Variants in SHROOM4 observed in about 807,000 individuals in gnomAD.
The protein encoded by SHROOM4 is shroom family member 4, also known as protein Shroom4.
A neutral mutation model predicts 80.3 loss-of-function variants in SHROOM4; 17 were observed. That is an observed-to-expected ratio of 0.21 (90% CI 0.14 to 0.32). SHROOM4 has a LOEUF of 0.32. Ranked by LOEUF, SHROOM4 falls within the 10% of genes least tolerant of loss-of-function variation. The pLI, the probability that SHROOM4 is intolerant of heterozygous loss-of-function variation, is 1.00. For synonymous variants in SHROOM4, 400 were observed against 437.5 expected (o/e 0.91, Z 1.07); for missense variants, 993 against 1,140.3 (o/e 0.87, Z 1.86).
chrX:50,702,217 CTT>C (rs1933536000), intron 1 of SHROOM4, among the ~76,000 whole-genome samples: 1 of 111,748 alleles, frequency 8.9e-6, no homozygotes. Context: ...ATTAAAAAGA[CTT>C]AAGTATTGGT....
chrX:50,797,723 A>G, intron 1 of SHROOM4, among the ~76,000 whole-genome samples: 1 of 112,092 alleles, frequency 8.9e-6, no homozygotes, highest in East Asian at 2.8e-4. Flanking sequence ...GGCCCTCAGG[A>G]AGACCTCATT....
chrX:50,696,548 A>G (rs1218305249), intron 1 of SHROOM4, among the ~76,000 whole-genome samples: 1 of 112,448 alleles, frequency 8.9e-6, no homozygotes, highest in Non-Finnish European at 1.9e-5. Flanking sequence ...TCTGATTATT[A>G]TAACAAGGGA....
chrX:50,639,192 C>G (rs943911193), intron 2 of SHROOM4, among the ~76,000 whole-genome samples: 6 of 112,238 alleles, frequency 5.3e-5, no homozygotes, highest in African/African-American at 1.6e-4. Context: ...AGTTGCCACC[C>G]TTGCGAGTGG....
At chrX:50,620,619 G>A (rs1368721168) in intron 5 of SHROOM4, among the ~76,000 whole-genome samples, 9 of 111,854 alleles carry the variant, frequency 8.0e-5, no homozygotes, top group Admixed American at 5.7e-4. Flanking sequence ...AATTTGTATT[G>A]TTTCCAGAAG....
intron 1 of SHROOM4, among the ~76,000 whole-genome samples, chrX:50,805,861 T>C (rs1602529697): frequency 3.6e-5 from 4 of 111,366 alleles, no homozygotes; most frequent in Non-Finnish European, 5.7e-5. Flanking sequence ...AATTTCCCTC[T>C]GATTCTGTTA....
chrX:50,770,723 C>G (rs1935378087), intron 1 of SHROOM4, among the ~76,000 whole-genome samples: 2 of 111,931 alleles, frequency 1.8e-5, no homozygotes, highest in African/African-American at 6.5e-5. Context: ...TAAGGTGGAG[C>G]CTGGCCAAGT....
At position 50,695,788 on chromosome X, in the gene SHROOM4, C is replaced by T; in HGVS notation, c.267G>A (p.Arg89=). Residue 89 remains arginine, a splice_region_variant and synonymous_variant, in exon 2 of 9, where the codon AGG becomes AGA. Coordinates refer to ENST00000376020, the MANE Select transcript of SHROOM4 (RefSeq NM_020717.5). The part of the protein sequence containing the change: ...GSFRILKLIV[R]RRNAPVSRPH... Reference sequence around the variant, plus strand: ...CGGAGAATCTCCCTGTACCTTACCTCCTGACAATCAGCTTGAGAATCCGGA... The same window carrying T: ...CGGAGAATCTCCCTGTACCTTACCTTCTGACAATCAGCTTGAGAATCCGGA... The T allele has an allele frequency of 2.5e-6, 3 of 1,211,748 alleles. No homozygotes were observed. The highest frequency in any genetic ancestry group is 3.4e-6 in the Non-Finnish European group (3 of 895,463).
chrX:50,609,225 G>A (rs982423018), intron 5 of SHROOM4, among the ~76,000 whole-genome samples: 1 of 109,899 alleles, frequency 9.1e-6, no homozygotes, highest in South Asian at 4.0e-4. Flanking sequence ...TTGCACCACT[G>A]TACTCCAGCT....
intron 1 of SHROOM4, among the ~76,000 whole-genome samples, chrX:50,749,333 A>G (rs1350604605): frequency 8.9e-6 from 1 of 112,605 alleles, no homozygotes; most frequent in Non-Finnish European, 1.9e-5. Flanking sequence ...ATCAGAATAA[A>G]TAAGTCAGTC....
intron 5 of SHROOM4, among the ~76,000 whole-genome samples, chrX:50,619,056 T>C (rs1930465651): frequency 8.9e-6 from 1 of 111,925 alleles, no homozygotes; most frequent in African/African-American, 3.2e-5. Flanking sequence ...CAAAAGTAAA[T>C]TGCCTGCCAA....
intron 1 of SHROOM4, among the ~76,000 whole-genome samples, chrX:50,745,939 T>A (rs782481986): frequency 9.0e-5 from 10 of 111,660 alleles, no homozygotes; most frequent in African/African-American, 2.6e-4. Context: ...CTTCTACCAT[T>A]TTAATGGTTG....
rs1156318699 is a variant in SHROOM4, at chrX:50,676,593, A to G, written c.269+19193T>C. Among the ~76,000 whole-genome samples the G allele has an allele frequency of 3.6e-5, 4 of 111,410 alleles. No homozygotes were observed. The East Asian group carries it at 1.1e-3, about 31-fold the overall frequency. The stretch of plus-strand genomic sequence containing the variant: ...AAGCCTTCACTTGAATGACTTTTCT[A>G]TCCATTAATTATTTTATATCACTTC... On this transcript the variant is annotated intron_variant, in intron 2 of 8. Coordinates refer to ENST00000376020, the MANE Select transcript of SHROOM4 (RefSeq NM_020717.5).
intron 2 of SHROOM4, among the ~76,000 whole-genome samples, chrX:50,667,942 A>C (rs1366193051): frequency 9.0e-6 from 1 of 111,292 alleles, no homozygotes; most frequent in African/African-American, 3.3e-5. Context: ...AAGACATAAA[A>C]CTTTTAGATA....
chrX:50,656,741 T>C (rs1181743381), intron 2 of SHROOM4, among the ~76,000 whole-genome samples: 2 of 110,592 alleles, frequency 1.8e-5, no homozygotes, highest in African/African-American at 6.6e-5. Context: ...GGGTCTTTTG[T>C]GGTTCCTTAC....
At chrX:50,694,947 AC>A (rs1431664764) in intron 2 of SHROOM4, among the ~76,000 whole-genome samples, 2 of 109,914 alleles carry the variant, frequency 1.8e-5, no homozygotes, top group Non-Finnish European at 3.8e-5. Flanking sequence ...AAAAAAAAAA[AC>A]AATAGAAAGG....
intron 2 of SHROOM4, among the ~76,000 whole-genome samples, chrX:50,642,597 A>G (rs1557257330): frequency 3.6e-5 from 4 of 111,484 alleles, no homozygotes; most frequent in Non-Finnish European, 7.5e-5. Flanking sequence ...CTAGGACTAC[A>G]GGCTACAGGT....
rs782391280 is a variant in SHROOM4, at chrX:50,601,285, T to C, written c.3942+1348A>G. 1.4e-4 allele frequency among the ~76,000 whole-genome samples: 16 copies of C among 112,520 alleles called. No individual in the cohort carries two copies. In the East Asian group the frequency reaches 3.6e-3, roughly 26 times the overall value. Reference sequence around the variant, plus strand: ...CTCTCTCTTTTCCTGGTCAGACTTCTAGGTTTGCCCCTGCAGAGGCCAGGC... The same window carrying C: ...CTCTCTCTTTTCCTGGTCAGACTTCCAGGTTTGCCCCTGCAGAGGCCAGGC... On this transcript the variant is annotated intron_variant, in intron 7 of 8. Transcript: ENST00000376020.
chrX:50,715,216 T>C (rs781820046), intron 1 of SHROOM4, among the ~76,000 whole-genome samples: 1 of 110,957 alleles, frequency 9.0e-6, no homozygotes, highest in African/African-American at 3.3e-5. Flanking sequence ...GTAAGGCCTG[T>C]GCACTCCCAG....
At chrX:50,735,250 A>G (rs782684744) in intron 1 of SHROOM4, among the ~76,000 whole-genome samples, 1 of 112,028 alleles carries the variant, frequency 8.9e-6, no homozygotes, top group East Asian at 2.8e-4. Context: ...TTTTAAACAA[A>G]TGTTGCAGGG....
Sources: allele counts gnomAD v4.1 joint callset (sites outside exome capture counted in the v4.1 genomes callset), GRCh38; gene constraint gnomAD v4.1.1; transcripts MANE v1.5; gene names NCBI Gene and HGNC (gene_info 2026-07-23, HGNC 2026-07-21).